The following ZDHHC7 variants were observed in gnomAD, a reference collection of about 807,000 sequenced individuals.
ZDHHC7 encodes palmitoyltransferase ZDHHC7.
In ZDHHC7, 12 loss-of-function variants were observed where a neutral mutation model predicts 34.1. The observed-to-expected ratio is 0.35, with a 90% CI of 0.23 to 0.57. The LOEUF (loss-of-function observed/expected upper bound fraction) is 0.57, where lower values mean the gene tolerates loss of function less well. Ranked by LOEUF, ZDHHC7 falls within the 20% of genes least tolerant of loss-of-function variation. The pLI is 0.84. For synonymous variants in ZDHHC7, 185 were observed against 155.4 expected, an observed-to-expected ratio of 1.19 and a Z score of -1.42; for missense variants, 388 against 402.7, an observed-to-expected ratio of 0.96 and a Z score of 0.31.
chr16:84,979,949 C>T lies in ZDHHC7; in HGVS notation c.441-664G>A, dbSNP rs13336778. 3.5e-3 allele frequency among the ~76,000 whole-genome samples: 337 copies of T among 96,010 alleles called. 12 individuals carry two copies. Among genetic ancestry groups the T allele is most frequent in the African/African-American group, 9.6e-3 (220 of 22,878 alleles). 63.0% of individuals were successfully genotyped at this position (96,010 alleles called of 152,430 possible). ...GGCAGACTTGCTATCATAGCGTCAC[C>T]TTTTTTTTTTTTTTTTTTTTTTTGA... is the stretch of plus-strand genomic sequence containing the variant. On this transcript the variant is annotated intron_variant, in intron 4 of 7. Coordinates refer to ENST00000313732, the MANE Select transcript of ZDHHC7 (RefSeq NM_017740.3).
In ZDHHC7 at chr16:84,976,421, C is replaced by T; in HGVS notation, c.849G>A (p.Trp283Ter). The T allele has an allele frequency of 6.2e-7, 1 of 1,614,136 alleles. No homozygotes were observed. Among genetic ancestry groups the T allele is most frequent in the Non-Finnish European group, 8.5e-7 (1 of 1,180,018 alleles). ...SVFGGPPSLL[W>*]MNPFVGFRFR... ...ATCGGAAGCCCACAAAGGGATTCAT[C>T]CAGAGGAGTGAGGGGGGCCCCCCAA... Residue 283 changes from tryptophan to a stop codon, truncating the protein, a stop_gained, in exon 8 of 8, where the codon TGG becomes TGA. Coordinates refer to ENST00000313732, the MANE Select transcript of ZDHHC7 (RefSeq NM_017740.3). LOFTEE classifies it high-confidence loss of function.
At chr16:84,987,041 T>C (rs1007665173) in intron 3 of ZDHHC7, among the ~76,000 whole-genome samples, 7 of 152,186 alleles carry the variant, frequency 4.6e-5, no homozygotes, top group Non-Finnish European at 1.0e-4. Context: ...ACTGCCCTTC[T>C]TCCCTGGGCA....
At chr16:84,988,746 G>A in intron 3 of ZDHHC7, 1 of 1,550,010 alleles carries the variant, frequency 6.5e-7, no homozygotes, top group Non-Finnish European at 8.7e-7. Context: ...TCCCCCATGT[G>A]CCTACCCCAC....
chr16:84,992,390 T>C (rs1422409976), intron 2 of ZDHHC7, among the ~76,000 whole-genome samples: 7 of 146,722 alleles, frequency 4.8e-5, no homozygotes, highest in Admixed American at 2.9e-4. Flanking sequence ...GGAGAACTGC[T>C]TGAACCCGGG....
At chr16:84,998,091 G>A (rs932913897) in intron 1 of ZDHHC7, among the ~76,000 whole-genome samples, 5 of 146,626 alleles carry the variant, frequency 3.4e-5, no homozygotes, top group Admixed American at 2.0e-4. Flanking sequence ...GTGAAACCCC[G>A]TCTCTACTAA....
the ZDHHC7 span, among the ~76,000 whole-genome samples, chr16:85,027,589 C>A: frequency 6.6e-6 from 1 of 152,042 alleles, no homozygotes; most frequent in African/African-American, 2.4e-5. Flanking sequence ...CCGGGCGTAC[C>A]CGAGAGCGCT....
chr16:84,982,138 T>C (rs1239372415), intron 3 of ZDHHC7, 144 bp from the exon 4 acceptor site: 2 of 1,004,166 alleles, frequency 2.0e-6, no homozygotes, highest in Non-Finnish European at 2.9e-6. Context: ...AAGACCAGCC[T>C]GGCCAACCCA....
upstream of ZDHHC7, among the ~76,000 whole-genome samples, chr16:85,015,477 T>A (rs767122961): frequency 1.3e-5 from 2 of 152,020 alleles, no homozygotes; most frequent in South Asian, 4.1e-4. Context: ...AACACCTGAA[T>A]AGAAAAGGGG....
intron 3 of ZDHHC7, among the ~76,000 whole-genome samples, chr16:84,985,384 C>T (rs2072423205): frequency 6.6e-6 from 1 of 152,252 alleles, no homozygotes; most frequent in African/African-American, 2.4e-5. Context: ...ATTCTGGATC[C>T]CCAGGGCCTA....
chr16:85,016,054 C>T (rs754225157), upstream of ZDHHC7, among the ~76,000 whole-genome samples: 1 of 152,120 alleles, frequency 6.6e-6, no homozygotes, highest in African/African-American at 2.4e-5. Flanking sequence ...GAGGCATTTC[C>T]ACCCCCCCAA....
chr16:84,992,616 C>T (rs1169978869), intron 2 of ZDHHC7, among the ~76,000 whole-genome samples: 1 of 152,210 alleles, frequency 6.6e-6, no homozygotes, highest in Non-Finnish European at 1.5e-5. Context: ...CAGTCAATTT[C>T]ACCTAGCTTT....
At chr16:85,023,728 C>T in the ZDHHC7 span, among the ~76,000 whole-genome samples, 3 of 152,216 alleles carry the variant, frequency 2.0e-5, no homozygotes, top group South Asian at 6.2e-4. Flanking sequence ...AAGCAACCCT[C>T]TAACCTCAGG....
intron 1 of ZDHHC7, among the ~76,000 whole-genome samples, chr16:85,007,719 T>G (rs2072736727): frequency 6.6e-6 from 1 of 151,940 alleles, no homozygotes; most frequent in African/African-American, 2.4e-5. Context: ...GGTTGAGAGC[T>G]CTCCCTGTGG....
chr16:85,014,480 G>C (rs2072826230), upstream of ZDHHC7, among the ~76,000 whole-genome samples: 1 of 152,150 alleles, frequency 6.6e-6, no homozygotes, highest in Non-Finnish European at 1.5e-5. Flanking sequence ...GTTGAGTTAG[G>C]TACAGGACAA....
chr16:85,021,146 G>A, the ZDHHC7 span, among the ~76,000 whole-genome samples: 1 of 151,844 alleles, frequency 6.6e-6, no homozygotes, highest in Non-Finnish European at 1.5e-5. Flanking sequence ...GTGCACAGTG[G>A]CTCACACCTG....
chr16:85,006,275 C>T (rs2072715971), intron 1 of ZDHHC7, among the ~76,000 whole-genome samples: 1 of 152,136 alleles, frequency 6.6e-6, no homozygotes, highest in African/African-American at 2.4e-5. Flanking sequence ...AGGAGGATTA[C>T]TTGAGCCCAG....
upstream of ZDHHC7, among the ~76,000 whole-genome samples, chr16:85,014,411 G>A (rs909903414): frequency 6.6e-6 from 1 of 152,126 alleles, no homozygotes; most frequent in East Asian, 1.9e-4. Context: ...TTTAGAAAAG[G>A]TTTATTTAAC....
chr16:84,990,383 G>C lies in ZDHHC7; in HGVS notation c.236C>G (p.Ser79Cys). The change falls in exon 3 of 8, where the codon TCT (serine) becomes TGT (cysteine). Residue 79 changes from serine to cysteine, a missense_variant. Transcript: ENST00000313732. ...GTTAAAGATGACCCCGTTGACCACA[G>C]AGTACCAGAAGTCTTTGGAAGGCAG... is the stretch of plus-strand genomic sequence containing the variant. Reference protein sequence around the residue: ...MLLPSKDFWYSVVNGVIFNCL... With the variant: ...MLLPSKDFWYCVVNGVIFNCL... The C allele has an allele frequency of 3.1e-6, 5 of 1,614,170 alleles. No individual in the cohort carries two copies. The South Asian group carries it at 5.5e-5, about 18-fold the overall frequency.
chr16:84,999,677 A>C (rs1225981422), intron 1 of ZDHHC7, among the ~76,000 whole-genome samples: 1 of 152,240 alleles, frequency 6.6e-6, no homozygotes, highest in African/African-American at 2.4e-5. Context: ...TTATTTAGAA[A>C]GAAATCAGAA....
Sources: allele counts gnomAD v4.1 joint callset (sites outside exome capture counted in the v4.1 genomes callset), GRCh38; gene constraint gnomAD v4.1.1; transcripts MANE v1.5; gene names NCBI Gene and HGNC (gene_info 2026-07-23, HGNC 2026-07-21).